KALRN: variants seen among roughly 807,000 people sequenced by gnomAD.
KALRN encodes kalirin RhoGEF kinase.
In KALRN, 70 loss-of-function variants were observed where a neutral mutation model predicts 353.7. That is an observed-to-expected ratio of 0.20 (90% CI 0.16 to 0.24). KALRN has a LOEUF of 0.24. Ranked by LOEUF, KALRN falls within the 10% of genes least tolerant of loss-of-function variation. The pLI is 1.00. For synonymous variants in KALRN, 1,391 were observed against 1,434.8 expected (o/e 0.97, Z 0.69); for missense variants, 2,791 against 3,756.7 (o/e 0.74, Z 6.72).
chr3:124,624,477 A>G (rs2079700147), intron 34 of KALRN, among the ~76,000 whole-genome samples: 1 of 152,192 alleles, frequency 6.6e-6, no homozygotes, highest in African/African-American at 2.4e-5. Flanking sequence ...GGGATCTTGG[A>G]CTGCATCCCT....
chr3:124,382,781 A>C (rs78463752), intron 10 of KALRN, among the ~76,000 whole-genome samples: 3,330 of 152,248 alleles, frequency 0.022, 123 homozygotes, highest in East Asian at 0.1. Flanking sequence ...CCTCTCTCCC[A>C]TCAGCTGTGG....
At chr3:124,573,650 C>T (rs371095625) in intron 34 of KALRN, among the ~76,000 whole-genome samples, 66 of 152,148 alleles carry the variant, frequency 4.3e-4, no homozygotes, top group African/African-American at 1.6e-3. Flanking sequence ...ACTACAAGTG[C>T]GAGCCATTGT....
chr3:124,339,195 G>C (rs1365460504), intron 9 of KALRN, among the ~76,000 whole-genome samples: 4 of 152,170 alleles, frequency 2.6e-5, no homozygotes, highest in Non-Finnish European at 5.9e-5. Flanking sequence ...TCTCAGAGAG[G>C]TGGGAGGACC....
At chr3:124,347,549 C>A (rs1002244854) in intron 10 of KALRN, among the ~76,000 whole-genome samples, 2 of 151,974 alleles carry the variant, frequency 1.3e-5, no homozygotes, top group African/African-American at 4.8e-5. Flanking sequence ...AAAATAGATG[C>A]CCACATTTAT....
intron 1 of KALRN, among the ~76,000 whole-genome samples, chr3:124,122,194 G>A (rs1353906113): frequency 6.6e-6 from 1 of 152,226 alleles, no homozygotes; most frequent in Non-Finnish European, 1.5e-5. Context: ...TTTCTGGGCA[G>A]TGGAGCTGGA....
chr3:124,199,279 C>T (rs2075737700), intron 1 of KALRN, among the ~76,000 whole-genome samples: 1 of 152,206 alleles, frequency 6.6e-6, no homozygotes, highest in Admixed American at 6.5e-5. Context: ...AGCCCATTCT[C>T]CTCAACTTCT....
chr3:124,225,886 T>A (rs908738702), intron 1 of KALRN, among the ~76,000 whole-genome samples: 1 of 152,228 alleles, frequency 6.6e-6, no homozygotes, highest in Non-Finnish European at 1.5e-5. Context: ...GGACTCTTTT[T>A]GTATAGTAAA....
intron 29 of KALRN, 109 bp downstream of exon 29, chr3:124,488,424 A>T (rs2062789898): frequency 3.9e-6 from 3 of 761,390 alleles, no homozygotes; most frequent in Non-Finnish European, 6.9e-6. Context: ...AGGCTGGAAG[A>T]GAGAAGAAAT....
In KALRN at chr3:124,725,240, T is replaced by G. The variant is rs1315026576; in HGVS notation, c.*5770T>G. 1.3e-5 allele frequency: 2 copies of G among 152,194 alleles called. No individual in the cohort carries two copies. Among genetic ancestry groups the G allele is most frequent in the Non-Finnish European group, 2.9e-5 (2 of 68,038 alleles). 9.4% of individuals were successfully genotyped at this position (152,194 alleles called of 1,614,324 possible). ...TGAAGTTAACAAGACATACATCTTC[T>G]CTTACTAACTTAAGCCATATCTGTC... On this transcript the variant is annotated 3_prime_UTR_variant, in exon 60 of 60. Transcript: ENST00000682506.
chr3:124,718,917 C>A lies in KALRN; in HGVS notation c.8416-8C>A, dbSNP rs2063293131. ...TTCTTTTCTCCCTGCTTCCTTGGAT[C>A]TCTGCAGCCTGAAAACCTGCTCATT... On this transcript the variant is annotated splice_region_variant and splice_polypyrimidine_tract_variant and intron_variant, in intron 59 of 59. Coordinates refer to ENST00000682506, the MANE Select transcript of KALRN (RefSeq NM_001388419.1). The A allele has an allele frequency of 1.2e-6, 2 of 1,612,258 alleles. No individual in the cohort carries two copies. Among genetic ancestry groups the A allele is most frequent in the Non-Finnish European group, 8.5e-7 (1 of 1,178,360 alleles).
intron 25 of KALRN, among the ~76,000 whole-genome samples, chr3:124,466,599 A>G (rs193114310): frequency 3.3e-5 from 5 of 152,328 alleles, no homozygotes; most frequent in Admixed American, 3.3e-4. Flanking sequence ...AGATAGGGTC[A>G]TATGTGAGTC....
chr3:124,435,760 G>A (rs1418473067), intron 17 of KALRN, among the ~76,000 whole-genome samples: 2 of 152,120 alleles, frequency 1.3e-5, no homozygotes, highest in Non-Finnish European at 2.9e-5. Flanking sequence ...ATGATAGAGA[G>A]CTTCCCCAGT....
At chr3:124,265,575 G>A (rs1407936897) in intron 4 of KALRN, among the ~76,000 whole-genome samples, 13 of 151,888 alleles carry the variant, frequency 8.6e-5, no homozygotes, top group Admixed American at 8.5e-4. Context: ...TTACAGGCAT[G>A]AGCCACTGTG....
intron 27 of KALRN, among the ~76,000 whole-genome samples, chr3:124,478,961 TA>T (rs1411234924): frequency 6.6e-6 from 1 of 152,226 alleles, no homozygotes; most frequent in Admixed American, 6.5e-5. Context: ...TCCTATCCAT[TA>T]AAGGTCACAT....
At chr3:124,582,396 T>C (rs1206626868) in intron 34 of KALRN, among the ~76,000 whole-genome samples, 3 of 152,176 alleles carry the variant, frequency 2.0e-5, no homozygotes, top group Non-Finnish European at 4.4e-5. Context: ...ATTTCCTGCT[T>C]GACAGTGACG....
At chr3:124,110,466 C>T (rs533352988) in intron 1 of KALRN, among the ~76,000 whole-genome samples, 3,005 of 45,556 alleles carry the variant, frequency 0.066, 142 homozygotes, top group African/African-American at 0.16. Context: ...TATACACACG[C>T]GCGCACACAC....
chr3:124,686,924 C>T (rs1289621999), intron 51 of KALRN, among the ~76,000 whole-genome samples: 1 of 150,702 alleles, frequency 6.6e-6, no homozygotes, highest in Non-Finnish European at 1.5e-5. Context: ...AAGTGACCCT[C>T]CCACCCTCAG....
intron 10 of KALRN, among the ~76,000 whole-genome samples, chr3:124,378,695 T>A (rs1474501822): frequency 6.6e-6 from 1 of 150,524 alleles, no homozygotes; most frequent in African/African-American, 2.4e-5. Flanking sequence ...TTTTTTTTTT[T>A]ATTTGTTTTG....
intron 55 of KALRN, among the ~76,000 whole-genome samples, chr3:124,698,232 T>C (rs2062149803): frequency 6.6e-6 from 1 of 152,260 alleles, no homozygotes; most frequent in Non-Finnish European, 1.5e-5. Flanking sequence ...TGCCTCAGCC[T>C]CCGGAAGTGC....
Sources: gnomAD v4.1 joint callset for allele counts (sites outside exome capture counted in the v4.1 genomes callset) on GRCh38, gnomAD v4.1.1 for gene constraint, MANE v1.5 for transcripts, NCBI Gene and HGNC (gene_info 2026-07-23, HGNC 2026-07-21) for gene names.